TDRD3: variants seen among roughly 807,000 people sequenced by gnomAD.
TDRD3 encodes the protein tudor domain containing 3.
Under a neutral mutation model 86.7 loss-of-function variants are expected in TDRD3, and 45 were observed. That is an observed-to-expected ratio of 0.52 (90% CI 0.41 to 0.67). TDRD3 has a LOEUF of 0.67. Ranked by LOEUF, TDRD3 falls within the 30% of genes least tolerant of loss-of-function variation. The probability of loss-of-function intolerance (pLI) is 0.00; values close to 1 mark genes in which losing one functional copy is unlikely to be tolerated. For missense variants in TDRD3, 814 were observed against 889.0 expected (o/e 0.92, Z 1.07); for synonymous variants, 298 against 301.7 (o/e 0.99, Z 0.13).
At chr13:60,481,112 G>A (rs956118559) in intron 5 of TDRD3, among the ~76,000 whole-genome samples, 1 of 152,042 alleles carries the variant, frequency 6.6e-6, no homozygotes, top group Admixed American at 6.5e-5. Flanking sequence ...GGGCAGTGGG[G>A]GCTGCACTGC....
intron 13 of TDRD3, among the ~76,000 whole-genome samples, chr13:60,568,473 A>G (rs1254261834): frequency 1.3e-5 from 2 of 152,236 alleles, no homozygotes; most frequent in Non-Finnish European, 2.9e-5. Context: ...AATCAAAAGA[A>G]TATGTAAGGA....
chr13:60,516,825 C>T (rs558167380), intron 10 of TDRD3, among the ~76,000 whole-genome samples: 7 of 152,276 alleles, frequency 4.6e-5, no homozygotes, highest in South Asian at 2.1e-4. Context: ...AGGCTTTCAT[C>T]GGCTTTCACT....
intron 1 of TDRD3, among the ~76,000 whole-genome samples, chr13:60,410,364 T>A (rs543325792): frequency 5.5e-4 from 83 of 152,068 alleles, no homozygotes; most frequent in Non-Finnish European, 9.0e-4. Flanking sequence ...TCCACTGGGG[T>A]TTTACCTGAG....
chr13:60,473,748 C>T (rs1490115058), intron 5 of TDRD3, among the ~76,000 whole-genome samples: 3 of 152,180 alleles, frequency 2.0e-5, no homozygotes, highest in Admixed American at 1.3e-4. Context: ...CTGTTATGCC[C>T]GGACAGGGCC....
intron 1 of TDRD3, among the ~76,000 whole-genome samples, chr13:60,431,703 CAAAAA>C (rs67787868): frequency 3.2e-5 from 2 of 63,006 alleles, no homozygotes; most frequent in Admixed American, 1.9e-4. Context: ...CTATCTTTAC[CAAAAA>C]AAAAAAAAAA....
chr13:60,509,713 C>G (rs764523642), intron 8 of TDRD3, 50 bp from the exon 9 acceptor site: 13 of 1,608,992 alleles, frequency 8.1e-6, no homozygotes, highest in Non-Finnish European at 1.1e-5. Flanking sequence ...AAGTTTATGC[C>G]TTGCCTTATC....
rs202146264 is a variant in TDRD3 at position 60,478,801 on chromosome 13, C to CTT, written c.496-4955_496-4954dup. On this transcript the variant is annotated intron_variant, in intron 5 of 13. Transcript: ENST00000377881. ...CAACATTAGATTGTTAATTTGAGGA[C>CTT]TTTTTTTTTTTTTTTTTTTTGAGAT... Among the ~76,000 whole-genome samples, 606 of 104,428 alleles carry CTT rather than the reference C, an allele frequency of 5.8e-3. 22 individuals are homozygous for CTT. The highest frequency in any genetic ancestry group is 0.021 in the African/African-American group (564 of 27,236). 68.5% of individuals were successfully genotyped at this position (104,428 alleles called of 152,430 possible).
intron 3 of TDRD3, among the ~76,000 whole-genome samples, chr13:60,453,697 T>C (rs1955599699): frequency 6.6e-6 from 1 of 152,182 alleles, no homozygotes; most frequent in Non-Finnish European, 1.5e-5. Context: ...CCCTGCAGGA[T>C]ACTGGAATGC....
At chr13:60,440,748 T>C (rs1955244179) in intron 2 of TDRD3, among the ~76,000 whole-genome samples, 1 of 152,184 alleles carries the variant, frequency 6.6e-6, no homozygotes, top group Non-Finnish European at 1.5e-5. Context: ...TGTTTTTCTA[T>C]GTAGCTTTAT....
At chr13:60,461,554 T>C (rs1955803664) in intron 4 of TDRD3, among the ~76,000 whole-genome samples, 1 of 152,184 alleles carries the variant, frequency 6.6e-6, no homozygotes, top group African/African-American at 2.4e-5. Flanking sequence ...CACTCACGTT[T>C]GCAGCTCGGG....
intron 2 of TDRD3, among the ~76,000 whole-genome samples, chr13:60,444,328 G>A (rs369564590): frequency 1.4e-5 from 2 of 146,916 alleles, no homozygotes; most frequent in South Asian, 2.3e-4. Context: ...CTATGTATAT[G>A]TATTCAAAAG....
At chr13:60,498,489 G>A (rs975042849) in intron 8 of TDRD3, among the ~76,000 whole-genome samples, 1 of 151,826 alleles carries the variant, frequency 6.6e-6, no homozygotes, top group African/African-American at 2.4e-5. Context: ...TAATCATGGT[G>A]TTCCTAGATG....
intron 10 of TDRD3, among the ~76,000 whole-genome samples, chr13:60,520,405 G>C (rs994670124): frequency 5.9e-5 from 9 of 152,116 alleles, no homozygotes; most frequent in African/African-American, 1.9e-4. Flanking sequence ...AAGTTAAGCA[G>C]GTTTCTAGCC....
chr13:60,405,482 G>C (rs1242112763), intron 1 of TDRD3, among the ~76,000 whole-genome samples: 5 of 152,128 alleles, frequency 3.3e-5, no homozygotes, highest in African/African-American at 1.2e-4. Flanking sequence ...TTACTAAAGG[G>C]GAGTTCGTGT....
chr13:60,404,221 T>C (rs561885564), intron 1 of TDRD3, among the ~76,000 whole-genome samples: 2 of 146,580 alleles, frequency 1.4e-5, no homozygotes, highest in East Asian at 3.9e-4. Context: ...TTGTGTCTTC[T>C]GATATTTGGC....
chr13:60,461,641 A>G (rs1186130285), intron 4 of TDRD3, among the ~76,000 whole-genome samples: 2 of 152,196 alleles, frequency 1.3e-5, no homozygotes, highest in East Asian at 3.9e-4. Flanking sequence ...CAGGTGTTCC[A>G]GCCCTTTAAT....
intron 10 of TDRD3, among the ~76,000 whole-genome samples, chr13:60,514,804 G>A (rs1957133184): frequency 6.6e-6 from 1 of 152,216 alleles, no homozygotes; most frequent in Non-Finnish European, 1.5e-5. Flanking sequence ...TTTGGCATAA[G>A]AGCCATGAGG....
At chr13:60,474,157 A>G (rs1956132444) in intron 5 of TDRD3, among the ~76,000 whole-genome samples, 1 of 152,212 alleles carries the variant, frequency 6.6e-6, no homozygotes, top group African/African-American at 2.4e-5. Context: ...TGAAATGCAT[A>G]GAAGAAATAA....
intron 4 of TDRD3, 89 bp downstream of exon 4, chr13:60,460,629 T>C: frequency 8.4e-7 from 1 of 1,188,494 alleles, no homozygotes; most frequent in African/African-American, 1.6e-5. Flanking sequence ...AAAGTAGGAA[T>C]GGACCCTTAA....
Sources: gnomAD v4.1 joint callset for allele counts (sites outside exome capture counted in the v4.1 genomes callset) on GRCh38, gnomAD v4.1.1 for gene constraint, MANE v1.5 for transcripts, NCBI Gene and HGNC (gene_info 2026-07-23, HGNC 2026-07-21) for gene names.